Variants in SLCO4A1 observed in about 807,000 individuals in gnomAD.
The protein encoded by SLCO4A1 is colon organic anion transporter.
In SLCO4A1, 51 loss-of-function variants were observed where a neutral mutation model predicts 64.6. That is an observed-to-expected ratio of 0.79 (90% confidence interval 0.63 to 1.00). SLCO4A1 has a LOEUF of 1.00. Among genes scored for constraint, SLCO4A1 ranks in the 50% least tolerant of loss-of-function variants. The pLI, the probability that SLCO4A1 is intolerant of heterozygous loss-of-function variation, is 0.00. For synonymous variants in SLCO4A1, 471 were observed against 444.9 expected (o/e 1.06, Z -0.74); for missense variants, 919 against 980.5 (o/e 0.94, Z 0.84).
intron 3 of SLCO4A1, among the ~76,000 whole-genome samples, chr20:62,659,047 A>T (rs1984293051): frequency 6.6e-6 from 1 of 152,222 alleles, no homozygotes; most frequent in African/African-American, 2.4e-5. Flanking sequence ...CTAGTTCCCT[A>T]ATGAAACTGA....
Position 62,671,796 on chromosome 20 carries a change from C to T in SLCO4A1, c.2072C>T (p.Pro691Leu). The change falls in exon 12 of 12, where the codon CCC becomes CTC. Residue 691 changes from proline (P) to leucine (L), a missense_variant. Coordinates refer to ENST00000217159, the MANE Select transcript of SLCO4A1 (RefSeq NM_016354.4). ...GCCATAGCCTGCTTCTTATACAAGC[C>T]CCTGTCGGAGTCTTCAGATGGCCTG... The part of the protein sequence containing the change: ...FFAIACFLYK[P>L]LSESSDGLET... 2 of 1,613,696 alleles carry T rather than the reference C, an allele frequency of 1.2e-6. No individual in the cohort carries two copies. Among genetic ancestry groups the T allele is most frequent in the East Asian group, 4.5e-5 (2 of 44,884 alleles).
intron 2 of SLCO4A1, among the ~76,000 whole-genome samples, chr20:62,678,731 G>T (rs564197973): frequency 2.8e-5 from 4 of 143,528 alleles, no homozygotes; most frequent in Non-Finnish European, 6.0e-5. Flanking sequence ...AGACTCAGCC[G>T]TGAGAGGGGG....
In SLCO4A1 at chr20:62,661,041, C is replaced by CCCCCCCCCCCCCCCCACAAAA; in HGVS notation, c.1010-23_1010-22insCCCCCCCCCCCCCCCACAAAA. On this transcript the variant is annotated intron_variant, in intron 4 of 11. Coordinates refer to ENST00000217159, the MANE Select transcript of SLCO4A1 (RefSeq NM_016354.4). This position sits in a 1 kb window ranked among gnomAD's most constrained non-coding sequence, Gnocchi z 5.2. ...TCCGGGAGCCCCCAGCCCCCAGCCC[C>CCCCCCCCCCCCCCCCACAAAA]AGCTCACTCTGTGCCCTTCCAGGCT... 1 of 1,424,144 alleles carries CCCCCCCCCCCCCCCCACAAAA rather than the reference C, an allele frequency of 7.0e-7. No individual in the cohort carries two copies. Among genetic ancestry groups the CCCCCCCCCCCCCCCCACAAAA allele is most frequent in the Non-Finnish European group, 9.9e-7 (1 of 1,010,142 alleles). The allele number at this position is 1,424,144 out of a possible 1,614,324, so 88.2% of individuals were successfully genotyped here.
chr20:62,690,250 G>A (rs1988185253), downstream of SLCO4A1, among the ~76,000 whole-genome samples: 1 of 152,224 alleles, frequency 6.6e-6, no homozygotes, highest in African/African-American at 2.4e-5. Context: ...CCCACAGGGA[G>A]ACAGACAACC....
intron 1 of SLCO4A1, among the ~76,000 whole-genome samples, chr20:62,647,874 A>C (rs1180343162): frequency 6.6e-6 from 1 of 152,206 alleles, no homozygotes; most frequent in African/African-American, 2.4e-5. Context: ...GGGGAGGAAG[A>C]GGTCAGCCGG....
Position 62,645,973 on chromosome 20 carries a change from T to G in SLCO4A1, c.-97+3420T>G, listed in dbSNP as rs981226208. Among the ~76,000 whole-genome samples, 1 of 152,264 alleles carries G rather than the reference T, an allele frequency of 6.6e-6. No homozygotes were observed. Among genetic ancestry groups the G allele is most frequent in the East Asian group, 1.9e-4 (1 of 5,144 alleles). On this transcript the variant is annotated intron_variant, in intron 1 of 11. Transcript: ENST00000217159. This position sits in a 1 kb window ranked among gnomAD's most constrained non-coding sequence, Gnocchi z 4.2. The stretch of plus-strand genomic sequence containing the variant: ...GGGGCCCTTGCATTTGCCACTGGAC[T>G]CTGCCTTTCGGGAGGCGCTGTGGAC...
Position 62,671,952 on chromosome 20 carries a change from G to A in SLCO4A1, c.*59G>A. 1.2e-6 allele frequency: 2 copies of A among 1,601,138 alleles called. No individual in the cohort carries two copies. Among genetic ancestry groups the A allele is most frequent in the South Asian group, 2.2e-5 (2 of 91,088 alleles). On this transcript the variant is annotated 3_prime_UTR_variant, in exon 12 of 12. Coordinates refer to ENST00000217159, the MANE Select transcript of SLCO4A1 (RefSeq NM_016354.4). ...CTCAGCATTTCCTGATGACAGAACA[G>A]TGCCGTTGGGTGATGCAATCACACG...
rs753600163 is a variant in SLCO4A1, at chr20:62,665,006, C to T, written c.1194C>T (p.Leu398=). ...TGGCCGGGGCCACCGAGGCCACTCT[C>T]ATCACCGGCATGTCCACGTTCAGCC... is the stretch of plus-strand genomic sequence containing the variant. ...LCLAGATEAT[L]ITGMSTFSPK... The change falls in exon 6 of 12, where the codon CTC becomes CTT. Residue 398 remains leucine, a synonymous_variant. Coordinates refer to ENST00000217159, the MANE Select transcript of SLCO4A1 (RefSeq NM_016354.4). 1 of 1,613,986 alleles carries T rather than the reference C, an allele frequency of 6.2e-7. No individual in the cohort carries two copies. The highest frequency in any genetic ancestry group is 1.7e-5 in the Admixed American group (1 of 60,002).
Position 62,671,828 on chromosome 20 carries a change from T to C in SLCO4A1, c.2104T>C (p.Cys702Arg), listed in dbSNP as rs775327972. The C allele has an allele frequency of 6.2e-7, 1 of 1,613,512 alleles. No homozygotes were observed. Among genetic ancestry groups the C allele is most frequent in the East Asian group, 2.2e-5 (1 of 44,886 alleles). The change falls in exon 12 of 12, where the codon TGT (cysteine) becomes CGT (arginine). Residue 702 changes from cysteine to arginine, a missense_variant. Coordinates refer to ENST00000217159, the MANE Select transcript of SLCO4A1 (RefSeq NM_016354.4). ...LSESSDGLET[C>R]LPSQSSAPDS... ...GGAGTCTTCAGATGGCCTGGAAACT[T>C]GTCTGCCCAGCCAGTCCTCAGCCCC...
chr20:62,669,174 A>G (rs1394592019), intron 11 of SLCO4A1, 96 bp downstream of exon 11: 2 of 1,193,814 alleles, frequency 1.7e-6, no homozygotes, highest in Non-Finnish European at 1.2e-6. Flanking sequence ...ACCACAGCCT[A>G]GTACATCACA....
At position 62,668,547 on chromosome 20, in the gene SLCO4A1, G is replaced by A; in HGVS notation, c.1876+6G>A. 2 of 1,611,848 alleles carry A rather than the reference G, an allele frequency of 1.2e-6. No homozygotes were observed. The highest frequency in any genetic ancestry group is 1.7e-6 in the Non-Finnish European group (2 of 1,178,096). On this transcript the variant is annotated splice_donor_region_variant and intron_variant, in intron 10 of 11. Transcript: ENST00000217159. ...GATTGTAGTTAGAATACTAGGTACT[G>A]TGCAGTGTGAGGAAGCCATGGTCAG...
At chr20:62,653,665 A>G (rs919863985) in intron 1 of SLCO4A1, among the ~76,000 whole-genome samples, 1 of 152,182 alleles carries the variant, frequency 6.6e-6, no homozygotes, top group African/African-American at 2.4e-5. Context: ...CCCCAAGGTC[A>G]TCTCTCTGGG....
At position 62,671,919 on chromosome 20, in the gene SLCO4A1, G is replaced by A. The variant is rs184104479; in HGVS notation, c.*26G>A. On this transcript the variant is annotated 3_prime_UTR_variant, in exon 12 of 12. Transcript: ENST00000217159. ...CCACCGCCCGCGCCCACCCGGCCAC[G>A]GCGGGCACTCAGCATTTCCTGATGA... The A allele has an allele frequency of 6.1e-4, 979 of 1,606,722 alleles. 5 individuals are homozygous for A. The highest frequency in any genetic ancestry group is 2.0e-3 in the South Asian group (182 of 91,086).
downstream of SLCO4A1, among the ~76,000 whole-genome samples, chr20:62,674,539 C>T (rs1987496178): frequency 1.3e-5 from 2 of 152,218 alleles, no homozygotes. Context: ...GTGGTGCACC[C>T]TCTCTGCTGC....
In SLCO4A1 at chr20:62,661,021, G is replaced by GAGCCTCC. The variant is rs1555914355; in HGVS notation, c.1010-39_1010-38insTCCAGCC. ...CTCTCTCGGAGAAGTCCACCTCCGG[G>GAGCCTCC]AGCCCCCAGCCCCCAGCCCCAGCTC... On this transcript the variant is annotated intron_variant, in intron 4 of 11. Coordinates refer to ENST00000217159, the MANE Select transcript of SLCO4A1 (RefSeq NM_016354.4). The surrounding 1 kb of genome is among the most constrained non-coding windows in gnomAD (Gnocchi z 5.2). The GAGCCTCC allele has an allele frequency of 2.9e-5, 16 of 546,478 alleles. 2 individuals are homozygous for GAGCCTCC. The highest frequency in any genetic ancestry group is 5.7e-5 in the Non-Finnish European group (16 of 282,310). The allele number at this position is 546,478 out of a possible 1,614,324, so 33.9% of individuals were successfully genotyped here.
At chr20:62,669,620 G>A (rs540872526) in intron 11 of SLCO4A1, among the ~76,000 whole-genome samples, 4 of 152,290 alleles carry the variant, frequency 2.6e-5, no homozygotes, top group Admixed American at 6.5e-5. Flanking sequence ...GGGAGGAAAC[G>A]CAGTATTTGT....
chr20:62,660,511 TG>T lies in SLCO4A1; in HGVS notation c.989del (p.Gly330ValfsTer15). 2 of 1,605,722 alleles carry T rather than the reference TG, an allele frequency of 1.2e-6. No individual in the cohort carries two copies. Among genetic ancestry groups the T allele is most frequent in the Non-Finnish European group, 1.7e-6 (2 of 1,179,940 alleles). ...AAFFTAVPIL[G>X]YPRQLPGSQR... ...CTTTCTTCACCGCCGTTCCCATCCTTGGTTACCCTCGGCAGCTGCCAGGTGG... is the reference window on the plus strand; with the variant it reads ...CTTTCTTCACCGCCGTTCCCATCCTTGTTACCCTCGGCAGCTGCCAGGTGG... On this transcript the variant is annotated frameshift_variant, in exon 4 of 12. Coordinates refer to ENST00000217159, the MANE Select transcript of SLCO4A1 (RefSeq NM_016354.4). LOFTEE classifies it high-confidence loss of function.
intron 11 of SLCO4A1, 106 bp downstream of exon 11, chr20:62,669,184 A>T: frequency 8.9e-7 from 1 of 1,119,436 alleles, no homozygotes; most frequent in Non-Finnish European, 1.3e-6. Flanking sequence ...AGTACATCAC[A>T]GATGTTCCTG....
chr20:62,682,234 C>T (rs911595480), intron 2 of SLCO4A1, among the ~76,000 whole-genome samples: 11 of 152,218 alleles, frequency 7.2e-5, no homozygotes, highest in African/African-American at 9.6e-5. Flanking sequence ...GGGAGCCGTA[C>T]GCCTGCAGCA....
Sources: gnomAD v4.1 joint callset for allele counts (sites outside exome capture counted in the v4.1 genomes callset) on GRCh38, gnomAD v4.1.1 for gene constraint, Gnocchi (gnomAD v3.1) non-coding constraint, MANE v1.5 for transcripts, NCBI Gene and HGNC (gene_info 2026-07-23, HGNC 2026-07-21) for gene names.